The following GCSH variants were observed in gnomAD, a reference collection of about 807,000 sequenced individuals.
The protein encoded by GCSH is glycine cleavage system H protein, mitochondrial.
In GCSH, 15 loss-of-function variants were observed where a neutral mutation model predicts 21.3. The ratio of observed to expected loss-of-function variants is 0.70; its 90% CI spans 0.47 to 1.08. The LOEUF (loss-of-function observed/expected upper bound fraction) is 1.08, where lower values mean the gene tolerates loss of function less well. GCSH is among the 50% of genes least tolerant of loss of function. The probability of loss-of-function intolerance (pLI) is 0.00; values close to 1 mark genes in which losing one functional copy is unlikely to be tolerated. For synonymous variants in GCSH, 59 were observed against 84.5 expected (o/e 0.70, Z 1.66); for missense variants, 179 against 217.5 (o/e 0.82, Z 1.11).
At position 81,091,104 on chromosome 16, in the gene GCSH, T is replaced by C. The variant is rs60563023; in HGVS notation, c.149-424A>G. On this transcript the variant is annotated intron_variant, in intron 1 of 4. Transcript: ENST00000315467. ...AAGATGGCTCATATAAGAAATGATT[T>C]AACCTAAAAAAAAAAATAACAGTAA... 4.2e-3 allele frequency: 1,924 copies of C among 454,224 alleles called. 27 individuals are homozygous for C. Among genetic ancestry groups the C allele is most frequent in the African/African-American group, 0.035 (1,751 of 49,850 alleles). 28.1% of individuals were successfully genotyped at this position (454,224 alleles called of 1,614,324 possible). A position where few individuals can be genotyped will look rare whatever the true frequency, so the allele number is the denominator to read the frequency against.
intron 1 of GCSH, among the ~76,000 whole-genome samples, chr16:81,092,320 T>G (rs1204282183): frequency 8.0e-5 from 4 of 49,840 alleles, no homozygotes; most frequent in Non-Finnish European, 3.6e-4. Context: ...AAGTAGGCTG[T>G]GTACCCACCA....
In GCSH at chr16:81,085,015, CTT is replaced by C. The variant is rs34324394; in HGVS notation, c.293-423_293-422del. On this transcript the variant is annotated intron_variant, in intron 3 of 4. Transcript: ENST00000315467. The stretch of plus-strand genomic sequence containing the variant: ...TAGGCATAAGCCACTGCACCTGGCT[CTT>C]TTTTTTTTTTTTTTTTGAGACGGAG... 3.7e-5 allele frequency among the ~76,000 whole-genome samples: 4 copies of C among 106,802 alleles called. No homozygotes were observed. The East Asian group carries it at 8.6e-4, about 23-fold the overall frequency. 70.1% of individuals were successfully genotyped at this position (106,802 alleles called of 152,430 possible). A position where few individuals can be genotyped will look rare whatever the true frequency, so the allele number is the denominator to read the frequency against.
At chr16:81,093,799 A>C (rs1405285802) in intron 1 of GCSH, among the ~76,000 whole-genome samples, 1 of 152,078 alleles carries the variant, frequency 6.6e-6, no homozygotes, top group Non-Finnish European at 1.5e-5. Context: ...CAAAGACCTA[A>C]GTCTTTATTT....
intron 2 of GCSH, among the ~76,000 whole-genome samples, chr16:81,089,044 G>C (rs1015136722): frequency 6.6e-6 from 1 of 152,192 alleles, no homozygotes; most frequent in South Asian, 2.1e-4. Context: ...TAGGTATACA[G>C]AGATGCCAAG....
At chr16:81,096,022 G>T in intron 1 of GCSH, 109 bp downstream of exon 1, 1 of 951,430 alleles carries the variant, frequency 1.1e-6, no homozygotes, top group Non-Finnish European at 1.4e-6. Context: ...CGCTCGCTCC[G>T]CCCCGGTGGC....
Position 81,084,571 on chromosome 16 carries a change from C to A in GCSH, c.316G>T (p.Val106Leu), listed in dbSNP as rs777934488. ...GAATAGAGTTCACTAGCAGCTTTCA[C>A]ACTTTCCAAAGCACCAAACTCATCT... Reference protein sequence around the residue: ...KQDEFGALESVKAASELYSPL... With the variant: ...KQDEFGALESLKAASELYSPL... Residue 106 changes from valine (V) to leucine (L), a missense_variant, in exon 4 of 5, where the codon GTG (valine) becomes TTG (leucine). Physicochemically the swap from Val to Leu is conservative, Grantham distance 32 (BLOSUM62 1). Transcript: ENST00000315467. 6.2e-7 allele frequency: 1 copy of A among 1,607,196 alleles called. No individual in the cohort carries two copies. Among genetic ancestry groups the A allele is most frequent in the South Asian group, 1.1e-5 (1 of 90,892 alleles).
chr16:81,090,961 G>T, intron 1 of GCSH: 3 of 510,324 alleles, frequency 5.9e-6, no homozygotes, highest in African/African-American at 1.9e-5. Flanking sequence ...AATCACAAAA[G>T]AAAATTTTGG....
At chr16:81,090,252 A>G (rs1005891880) in intron 2 of GCSH, among the ~76,000 whole-genome samples, 1 of 151,728 alleles carries the variant, frequency 6.6e-6, no homozygotes, top group South Asian at 2.1e-4. Flanking sequence ...CACCAAGACC[A>G]GCTAATTTTT....
chr16:81,093,969 T>C (rs921676862), intron 1 of GCSH, among the ~76,000 whole-genome samples: 1 of 152,094 alleles, frequency 6.6e-6, no homozygotes, highest in South Asian at 2.1e-4. Context: ...TGGTGCAATC[T>C]AGGCTCGCTG....
intron 3 of GCSH, among the ~76,000 whole-genome samples, chr16:81,086,361 C>T (rs561980382): frequency 2.0e-5 from 3 of 152,148 alleles, no homozygotes; most frequent in South Asian, 4.1e-4. Flanking sequence ...GGTGAAACCC[C>T]GCCTCTACCA....
At chr16:81,089,527 C>A (rs921845569) in intron 2 of GCSH, among the ~76,000 whole-genome samples, 1 of 152,062 alleles carries the variant, frequency 6.6e-6, no homozygotes, top group Non-Finnish European at 1.5e-5. Flanking sequence ...TACCATACAG[C>A]CAAGGTGTGT....
At chr16:81,088,874 T>C (rs982243499) in intron 2 of GCSH, among the ~76,000 whole-genome samples, 1 of 152,182 alleles carries the variant, frequency 6.6e-6, no homozygotes, top group African/African-American at 2.4e-5. Context: ...AAGTGGTCTC[T>C]CCATCAGGTA....
rs8177903 is a variant in GCSH, at chr16:81,087,866, G to A, written c.229-202C>T. Among the ~76,000 whole-genome samples the A allele has an allele frequency of 4.4e-3, 674 of 152,272 alleles. 8 individuals carry two copies. Among genetic ancestry groups the A allele is most frequent in the African/African-American group, 0.015 (627 of 41,546 alleles). Reference sequence around the variant, plus strand: ...CAGTCAGGTGTGGTAGTTCACGCCTGTAATCCCAGCACTTTGAAAGGCCCA... The same window carrying A: ...CAGTCAGGTGTGGTAGTTCACGCCTATAATCCCAGCACTTTGAAAGGCCCA... On this transcript the variant is annotated intron_variant, in intron 2 of 4. Transcript: ENST00000315467.
chr16:81,095,318 C>G (rs1972481217), intron 1 of GCSH, among the ~76,000 whole-genome samples: 1 of 151,416 alleles, frequency 6.6e-6, no homozygotes, highest in South Asian at 2.1e-4. Flanking sequence ...GGGGAAATAG[C>G]TGAATCTTCA....
chr16:81,096,335 G>A lies in GCSH; in HGVS notation c.-57C>T, dbSNP rs770646619. 7.6e-7 allele frequency: 1 copy of A among 1,317,084 alleles called. No individual in the cohort carries two copies. The highest frequency in any genetic ancestry group is 1.6e-5 in the African/African-American group (1 of 64,132). The allele number at this position is 1,317,084 out of a possible 1,614,324, so 81.6% of individuals were successfully genotyped here. On this transcript the variant is annotated 5_prime_UTR_variant, in exon 1 of 5. Transcript: ENST00000315467. ...GCCTCGGCCACCCGCGCCGGGAGGC[G>A]GGGCGGGGAGGGGCAGTTCGCGGCC...
chr16:81,086,574 A>AAAAAAAGAACAGTTT (rs1555529488), intron 3 of GCSH, among the ~76,000 whole-genome samples: 4 of 151,974 alleles, frequency 2.6e-5, no homozygotes, highest in African/African-American at 9.7e-5. Context: ...TAAGAAGAAA[A>AAAAAAAGAACAGTTT]AAAAAAGAAC....
chr16:81,083,215 A>C, intron 4 of GCSH: 1 of 490,024 alleles, frequency 2.0e-6, no homozygotes, highest in Non-Finnish European at 3.8e-6. Flanking sequence ...AGCATCAGAA[A>C]ATGACATTTA....
chr16:81,094,386 G>A (rs1361911636), intron 1 of GCSH, among the ~76,000 whole-genome samples: 1 of 149,294 alleles, frequency 6.7e-6, no homozygotes, highest in Non-Finnish European at 1.5e-5. Context: ...TGCTCTTGTC[G>A]TCCAGCTACT....
At chr16:81,088,886 G>C (rs1326171054) in intron 2 of GCSH, among the ~76,000 whole-genome samples, 1 of 152,148 alleles carries the variant, frequency 6.6e-6, no homozygotes, top group Non-Finnish European at 1.5e-5. Flanking sequence ...CATCAGGTAA[G>C]TGAATTACAA....
Sources: allele counts gnomAD v4.1 joint callset (sites outside exome capture counted in the v4.1 genomes callset), GRCh38; gene constraint gnomAD v4.1.1; transcripts MANE v1.5; gene names NCBI Gene and HGNC (gene_info 2026-07-23, HGNC 2026-07-21).